SNX8: variants seen among roughly 807,000 people sequenced by gnomAD.
SNX8 encodes the protein sorting nexin-8.
Under a neutral mutation model 51.6 loss-of-function variants are expected in SNX8, and 25 were observed. That is an observed-to-expected ratio of 0.48 (90% CI 0.35 to 0.68). SNX8 has a LOEUF of 0.68. Among genes scored for constraint, SNX8 ranks in the 30% least tolerant of loss-of-function variants. The probability of loss-of-function intolerance (pLI) is 0.00; values close to 1 mark genes in which losing one functional copy is unlikely to be tolerated. For missense variants in SNX8, 695 were observed against 624.0 expected (o/e 1.11, Z -1.21); for synonymous variants, 324 against 277.0 (o/e 1.17, Z -1.68).
chr7:2,304,568 C>T (rs6971396), intron 1 of SNX8, among the ~76,000 whole-genome samples: 52,840 of 151,824 alleles, frequency 0.35, 9,872 homozygotes, highest in East Asian at 0.6. Flanking sequence ...TTCCATCTCC[C>T]CAAGGACAGG....
At chr7:2,332,214 A>AT (rs1554269209) in intron 1 of SNX8, among the ~76,000 whole-genome samples, 2 of 150,196 alleles carry the variant, frequency 1.3e-5, no homozygotes, top group African/African-American at 2.4e-5. Context: ...CTCAGAAAAA[A>AT]ATATATATAT....
intron 1 of SNX8, chr7:2,287,837 C>A (rs1796066645): frequency 6.6e-6 from 1 of 151,420 alleles, no homozygotes; most frequent in Non-Finnish European, 1.5e-5. Context: ...GTAATCCCAA[C>A]ACTTTGGGAC....
At chr7:2,292,906 C>T (rs188321561) in intron 1 of SNX8, among the ~76,000 whole-genome samples, 4 of 151,944 alleles carry the variant, frequency 2.6e-5, no homozygotes, top group Admixed American at 2.6e-4. Flanking sequence ...GCTTGTAGTC[C>T]CAGCTACCCA....
chr7:2,331,937 G>A (rs1432986719), intron 1 of SNX8, among the ~76,000 whole-genome samples: 1 of 151,852 alleles, frequency 6.6e-6, no homozygotes, highest in African/African-American at 2.4e-5. Flanking sequence ...CGGGCGTGGT[G>A]GCTCAGTCCT....
chr7:2,279,970 G>A (rs1284807803), intron 1 of SNX8, among the ~76,000 whole-genome samples: 4 of 152,060 alleles, frequency 2.6e-5, no homozygotes, highest in South Asian at 2.1e-4. Context: ...CTAGCCATAC[G>A]ATCTTCTAAA....
intron 1 of SNX8, among the ~76,000 whole-genome samples, chr7:2,324,831 G>A (rs1481931056): frequency 6.6e-6 from 1 of 151,756 alleles, no homozygotes; most frequent in Admixed American, 6.6e-5. Flanking sequence ...TTTGAGACAG[G>A]GTCTTGCTAT....
intron 1 of SNX8, chr7:2,309,940 A>G (rs944558392): frequency 5.6e-5 from 26 of 462,538 alleles, no homozygotes; most frequent in Admixed American, 1.0e-4. Context: ...ACCTGCCTCA[A>G]TGACACTCAA....
intron 1 of SNX8, among the ~76,000 whole-genome samples, chr7:2,314,106 G>A (rs992935214): frequency 8.5e-5 from 13 of 152,304 alleles, no homozygotes; most frequent in African/African-American, 3.1e-4. Context: ...GGAGGGCAGG[G>A]GACCCCGAGG....
intron 1 of SNX8, among the ~76,000 whole-genome samples, chr7:2,300,270 C>T (rs1796362285): frequency 6.6e-6 from 1 of 152,146 alleles, no homozygotes; most frequent in African/African-American, 2.4e-5. Flanking sequence ...TCAGCCTGTG[C>T]CTCACAAAAT....
At chr7:2,325,289 C>A (rs534050108) in intron 1 of SNX8, among the ~76,000 whole-genome samples, 62 of 152,262 alleles carry the variant, frequency 4.1e-4, no homozygotes, top group African/African-American at 1.3e-3. Context: ...TGTAGGCATG[C>A]ACCATCACGC....
rs569100482 is a variant in SNX8, at chr7:2,342,002, G to A, written c.-66+12220C>T. 1.2e-4 allele frequency among the ~76,000 whole-genome samples: 18 copies of A among 151,440 alleles called. No individual in the cohort carries two copies. In the South Asian group the frequency reaches 2.5e-3, roughly 21 times the overall value. On this transcript the variant is annotated intron_variant, in intron 1 of 5. Transcript: ENST00000435336. Reference sequence around the variant, plus strand: ...AGGCCGGGCCCGGTGGCTCACGCCTGTAATCCCAGCACTTTGGGAGGCTGA... The same window carrying A: ...AGGCCGGGCCCGGTGGCTCACGCCTATAATCCCAGCACTTTGGGAGGCTGA...
chr7:2,284,932 C>T (rs1795988622), intron 1 of SNX8, among the ~76,000 whole-genome samples: 1 of 151,966 alleles, frequency 6.6e-6, no homozygotes, highest in Admixed American at 6.6e-5. Flanking sequence ...AACTTCTTGG[C>T]TGGGCGGAGT....
At position 2,314,339 on chromosome 7, in the gene SNX8, G is replaced by A. The variant is rs1001627106; in HGVS notation, c.83C>T (p.Pro28Leu). Reference protein sequence around the residue: ...AEAEADEEADPPASDLPTPQA... With the variant: ...AEAEADEEADLPASDLPTPQA... ...GCCCCACGCCCTACCTGACGCCGGG[G>A]GATCCGCCTCCTCGTCAGCCTCCGC... The change falls in exon 1 of 11, where the codon CCC becomes CTC. Residue 28 changes from proline (P) to leucine (L), a missense_variant. Pro to Leu is a moderately conservative substitution (Grantham distance 98). Coordinates refer to ENST00000222990, the MANE Select transcript of SNX8 (RefSeq NM_013321.4). 5.7e-6 allele frequency: 7 copies of A among 1,223,518 alleles called. No individual in the cohort carries two copies. Among genetic ancestry groups the A allele is most frequent in the East Asian group, 3.2e-5 (1 of 30,990 alleles). The allele number at this position is 1,223,518 out of a possible 1,614,324, so 75.8% of individuals were successfully genotyped here. A position where few individuals can be genotyped will look rare whatever the true frequency, so the allele number is the denominator to read the frequency against.
At chr7:2,272,640 T>C (rs1795677205) in intron 3 of SNX8, among the ~76,000 whole-genome samples, 1 of 151,958 alleles carries the variant, frequency 6.6e-6, no homozygotes, top group African/African-American at 2.4e-5. Context: ...CCTCCCAAAG[T>C]GCTGATATTA....
At chr7:2,314,862 A>G (rs919385428), upstream of SNX8, among the ~76,000 whole-genome samples, 1 of 152,152 alleles carries the variant, frequency 6.6e-6, no homozygotes, top group Non-Finnish European at 1.5e-5. Context: ...TCACCCACGC[A>G]CTGCATCCTG....
chr7:2,330,519 C>T (rs2115234867), intron 1 of SNX8, among the ~76,000 whole-genome samples: 1 of 152,176 alleles, frequency 6.6e-6, no homozygotes, highest in South Asian at 2.1e-4. Flanking sequence ...ATTAATTGAA[C>T]CCCAAAAGAC....
At chr7:2,312,690 C>T (rs1054559599) in intron 1 of SNX8, among the ~76,000 whole-genome samples, 1 of 152,134 alleles carries the variant, frequency 6.6e-6, no homozygotes, top group African/African-American at 2.4e-5. Context: ...CCAGAGCTCA[C>T]TTCAGTCATC....
intron 1 of SNX8, among the ~76,000 whole-genome samples, chr7:2,320,201 C>T (rs1796811578): frequency 6.6e-6 from 1 of 151,156 alleles, no homozygotes; most frequent in African/African-American, 2.4e-5. Context: ...ACTAAAAATA[C>T]AAAATTAGCC....
rs1778532879 is a variant in SNX8 at position 2,322,177 on chromosome 7, G to A, written c.-66+32045C>T. Reference sequence around the variant, plus strand: ...GACAGAACTTAGCATGCAGAGCATCGGAGTCAGAATTTAACTACACAGGAG... The same window carrying A: ...GACAGAACTTAGCATGCAGAGCATCAGAGTCAGAATTTAACTACACAGGAG... On this transcript the variant is annotated intron_variant, in intron 1 of 5. Coordinates refer to the SNX8 transcript ENST00000435336. Among the ~76,000 whole-genome samples the A allele has an allele frequency of 2.6e-5, 4 of 152,130 alleles. No homozygotes were observed. The South Asian group carries it at 8.3e-4, about 31-fold the overall frequency.
Sources: gnomAD v4.1 joint callset for allele counts (sites outside exome capture counted in the v4.1 genomes callset) on GRCh38, gnomAD v4.1.1 for gene constraint, MANE v1.5 for transcripts, NCBI Gene and HGNC (gene_info 2026-07-23, HGNC 2026-07-21) for gene names.